Variants in RNASET2 observed in about 807,000 individuals in gnomAD.
RNASET2 encodes the protein ribonuclease 6.
In RNASET2, 28 loss-of-function variants were observed where a neutral mutation model predicts 33.9. The observed-to-expected ratio is 0.83, with a 90% CI of 0.61 to 1.13. The LOEUF (loss-of-function observed/expected upper bound fraction) is 1.13, where lower values mean the gene tolerates loss of function less well. Ranked by LOEUF, RNASET2 falls within the 50% of genes most tolerant of loss-of-function variation. RNASET2 has a pLI of 0.00. For missense variants in RNASET2, 330 were observed against 319.9 expected, an observed-to-expected ratio of 1.03 and a Z score of -0.24; for synonymous variants, 123 against 121.0, an observed-to-expected ratio of 1.02 and a Z score of -0.11.
chr6:166,942,911 A>C, intron 5 of RNASET2, 108 bp downstream of exon 5: 1 of 890,528 alleles, frequency 1.1e-6, no homozygotes, highest in Non-Finnish European at 1.8e-6. Flanking sequence ...CCCAGAAGAC[A>C]GATTCTGTTA....
rs778738197 is a variant in RNASET2 at position 166,956,170 on chromosome 6, C to A, written c.13G>T (p.Ala5Ser). Residue 5 changes from alanine to serine, a missense_variant, in exon 1 of 9, where the codon GCC (alanine) becomes TCC (serine). By Grantham distance (99) the Ala-to-Ser change is moderately conservative (BLOSUM62 1). Coordinates refer to ENST00000508775, the MANE Select transcript of RNASET2 (RefSeq NM_003730.6). Reference sequence around the variant, plus strand: ...CAGCCCAGCAGGGCCCCGCGCAGGGCTGCAGGGCGCATGGTGCCGACCTGC... The same window carrying A: ...CAGCCCAGCAGGGCCCCGCGCAGGGATGCAGGGCGCATGGTGCCGACCTGC... Reference protein sequence around the residue: MRPAALRGALLGCLC... With the variant: MRPASLRGALLGCLC... 10 of 1,549,552 alleles carry A rather than the reference C, an allele frequency of 6.5e-6. No individual in the cohort carries two copies. The South Asian group carries it at 7.1e-5, about 11-fold the overall frequency.
intron 5 of RNASET2, among the ~76,000 whole-genome samples, chr6:166,942,628 A>T (rs904653259): frequency 7.9e-5 from 12 of 151,748 alleles, no homozygotes; most frequent in African/African-American, 2.4e-4. Flanking sequence ...TTTTTGGTAG[A>T]GGTGGCATTT....
chr6:166,956,065 C>T, intron 1 of RNASET2, 32 bp downstream of exon 1: 1 of 1,545,154 alleles, frequency 6.5e-7, no homozygotes, highest in Non-Finnish European at 8.8e-7. Flanking sequence ...CCGGCTCCCA[C>T]GCTCCCCACT....
rs548190973 is a variant in RNASET2, at chr6:166,939,488, G to A, written c.333-480C>T. Among the ~76,000 whole-genome samples the A allele has an allele frequency of 7.2e-5, 11 of 152,170 alleles. No individual in the cohort carries two copies. In the East Asian group the frequency reaches 1.2e-3, roughly 16 times the overall value. Reference sequence around the variant, plus strand: ...ATAGGCAATTATTTCAATCCCCCACGATTAAATAATCAGTTTCAGTTCACG... The same window carrying A: ...ATAGGCAATTATTTCAATCCCCCACAATTAAATAATCAGTTTCAGTTCACG... On this transcript the variant is annotated intron_variant, in intron 5 of 8. Transcript: ENST00000508775.
intron 3 of RNASET2, among the ~76,000 whole-genome samples, chr6:166,947,270 A>G (rs1454493409): frequency 6.6e-6 from 1 of 152,212 alleles, no homozygotes; most frequent in African/African-American, 2.4e-5. Flanking sequence ...TTTCATTTTC[A>G]GTAGCAAACG....
chr6:166,955,197 G>GCACACACACGCACA (rs1279464424), intron 1 of RNASET2, among the ~76,000 whole-genome samples: 1 of 119,074 alleles, frequency 8.4e-6, no homozygotes, highest in African/African-American at 3.7e-5. Context: ...ACGCACACAC[G>GCACACACACGCACA]CACGCACACA....
Position 166,938,971 on chromosome 6 carries a change from G to A in RNASET2, c.370C>T (p.Gln124Ter). ...TTCTGGGAGTTGAGCGCATCCACCT[G>A]GGCGGCGCAGGTCCCATGCTTTTCC... The part of the protein sequence containing the change: ...EWEKHGTCAA[Q>*]VDALNSQKKY... The change falls in exon 6 of 9, where the codon CAG (glutamine) becomes TAG (stop). Residue 124 changes from glutamine (Q) to a stop codon, truncating the protein, a stop_gained. Coordinates refer to ENST00000508775, the MANE Select transcript of RNASET2 (RefSeq NM_003730.6). LOFTEE classifies it high-confidence loss of function. The A allele has an allele frequency of 6.2e-7, 1 of 1,613,602 alleles. No individual in the cohort carries two copies. Among genetic ancestry groups the A allele is most frequent in the Non-Finnish European group, 8.5e-7 (1 of 1,179,980 alleles).
rs533980064 is a variant in RNASET2 at position 166,954,298 on chromosome 6, T to G, written c.87-1750A>C. ...TCTCGCAAATCTTGCCTGCTCAAGT[T>G]TGTCCGATCATATCAGTTGCATGAA... On this transcript the variant is annotated intron_variant, in intron 1 of 8. Coordinates refer to ENST00000508775, the MANE Select transcript of RNASET2 (RefSeq NM_003730.6). 2.0e-5 allele frequency among the ~76,000 whole-genome samples: 3 copies of G among 152,356 alleles called. No individual in the cohort carries two copies. In the East Asian group the frequency reaches 5.8e-4, roughly 29 times the overall value.
rs1778328655 is a variant in RNASET2, at chr6:166,927,713, C to CAAAAAAAAACAA, written c.*1874_*1875insTTGTTTTTTTTT. Among the ~76,000 whole-genome samples, 1 of 47,342 alleles carries CAAAAAAAAACAA rather than the reference C, an allele frequency of 2.1e-5. No individual in the cohort carries two copies. The highest frequency in any genetic ancestry group is 8.6e-5 in the African/African-American group (1 of 11,648). The allele number at this position is 47,342 out of a possible 152,430, so 31.1% of individuals were successfully genotyped here. A position where few individuals can be genotyped will look rare whatever the true frequency, so the allele number is the denominator to read the frequency against. Reference sequence around the variant, plus strand: ...TGATCCCTGTGTTCGCAAAATGACTCAAAAAAAAAAAAAAAAAAAAAAAGA... The same window carrying CAAAAAAAAACAA: ...TGATCCCTGTGTTCGCAAAATGACTCAAAAAAAAACAAAAAAAAAAAAAAAAAAAAAAAAAGA... On this transcript the variant is annotated 3_prime_UTR_variant, in exon 9 of 9. Transcript: ENST00000508775.
chr6:166,939,175 T>C (rs868644094), intron 5 of RNASET2, among the ~76,000 whole-genome samples, 167 bp from the exon 6 acceptor site: 9 of 151,968 alleles, frequency 5.9e-5, no homozygotes, highest in Non-Finnish European at 1.3e-4. Context: ...CTACTAAAAA[T>C]ACAAAAAAAT....
At chr6:166,950,514 G>C (rs1386414531) in intron 2 of RNASET2, among the ~76,000 whole-genome samples, 5 of 152,252 alleles carry the variant, frequency 3.3e-5, no homozygotes, top group Non-Finnish European at 7.3e-5. Flanking sequence ...CTACCACTCA[G>C]TGCTAGAGGC....
intron 1 of RNASET2, among the ~76,000 whole-genome samples, chr6:166,955,319 ACACACACG>A (rs144510854): frequency 0.15 from 9,426 of 62,906 alleles, 1,201 homozygotes; most frequent in African/African-American, 0.29. Flanking sequence ...ACACACACGC[ACACACACG>A]CACGCACGCA....
chr6:166,952,661 G>C (rs1357934364), intron 1 of RNASET2, 113 bp from the exon 2 acceptor site: 2 of 816,738 alleles, frequency 2.4e-6, no homozygotes, highest in African/African-American at 3.4e-5. Context: ...GCTGTGGGAG[G>C]AGGAACACTG....
In RNASET2 at chr6:166,925,683, G is replaced by A. The variant is rs1778294690; in HGVS notation, c.*3905C>T. On this transcript the variant is annotated 3_prime_UTR_variant, in exon 9 of 9. Transcript: ENST00000508775. ...ACACAACAAGAGCTGGAAGAGAAGA[G>A]GCCCTGGTCCCTGGGCGTGGAGGCG... 6.6e-6 allele frequency among the ~76,000 whole-genome samples: 1 copy of A among 152,234 alleles called. No homozygotes were observed. The highest frequency in any genetic ancestry group is 2.4e-5 in the African/African-American group (1 of 41,462).
intron 2 of RNASET2, among the ~76,000 whole-genome samples, chr6:166,950,173 T>C (rs1778948580): frequency 6.6e-6 from 1 of 152,180 alleles, no homozygotes; most frequent in Admixed American, 6.5e-5. Flanking sequence ...TCCTTCAGTG[T>C]GGGTCAAAGA....
At chr6:166,930,466 TAC>T (rs369381631) in intron 8 of RNASET2, among the ~76,000 whole-genome samples, 146 of 148,472 alleles carry the variant, frequency 9.8e-4, no homozygotes, top group Middle Eastern at 7.0e-3. Context: ...CACATGCATG[TAC>T]ACACACACAC....
intron 6 of RNASET2, chr6:166,934,868 C>T (rs1778529284): frequency 6.6e-6 from 1 of 152,250 alleles, no homozygotes; most frequent in East Asian, 1.9e-4. Context: ...TCAATCACCT[C>T]CTAAAGCACT....
At chr6:166,950,163 T>A (rs1466645820) in intron 2 of RNASET2, among the ~76,000 whole-genome samples, 3 of 152,224 alleles carry the variant, frequency 2.0e-5, no homozygotes, top group African/African-American at 7.2e-5. Flanking sequence ...TGGAGGCAGA[T>A]CCTTCAGTGT....
chr6:166,940,642 C>T (rs1234917773), intron 5 of RNASET2, among the ~76,000 whole-genome samples: 1 of 152,142 alleles, frequency 6.6e-6, no homozygotes, highest in Admixed American at 6.5e-5. Flanking sequence ...TAAATGTCAG[C>T]CATCATTATT....
Sources: gnomAD v4.1 joint callset for allele counts (sites outside exome capture counted in the v4.1 genomes callset) on GRCh38, gnomAD v4.1.1 for gene constraint, MANE v1.5 for transcripts, NCBI Gene and HGNC (gene_info 2026-07-23, HGNC 2026-07-21) for gene names.